The following FER1L5 variants were observed in gnomAD, a reference collection of about 807,000 sequenced individuals.
FER1L5 encodes fer-1-like protein 5.
A neutral mutation model predicts 279.9 loss-of-function variants in FER1L5; 187 were observed. That is an observed-to-expected ratio of 0.67 (90% CI 0.59 to 0.75). FER1L5 has a LOEUF of 0.75. FER1L5 is among the 30% of genes least tolerant of loss of function. The pLI is 0.00. For missense variants in FER1L5, 2,091 were observed against 2,594.4 expected (o/e 0.81, Z 4.21); for synonymous variants, 921 against 989.7 (o/e 0.93, Z 1.30).
At chr2:96,682,635 G>T (rs2076772060) in intron 19 of FER1L5, among the ~76,000 whole-genome samples, 1 of 152,214 alleles carries the variant, frequency 6.6e-6, no homozygotes, top group African/African-American at 2.4e-5. Context: ...GGATTGGCTT[G>T]CTTCTTCCAG....
intron 1 of FER1L5, 36 bp from the exon 2 acceptor site, chr2:96,646,365 C>A: frequency 6.5e-7 from 1 of 1,550,236 alleles, no homozygotes; most frequent in Non-Finnish European, 8.7e-7. Context: ...TGAAATATTT[C>A]CTACCATCAA....
intron 6 of FER1L5, among the ~76,000 whole-genome samples, chr2:96,651,315 CTTCT>C (rs1303440156): frequency 7.4e-6 from 1 of 134,926 alleles, no homozygotes; most frequent in African/African-American, 2.8e-5. Context: ...TCCTTCCTTC[CTTCT>C]TTCTCTCTTT....
At position 96,698,761 on chromosome 2, in the gene FER1L5, C is replaced by A; in HGVS notation, c.4447C>A (p.Pro1483Thr). The A allele has an allele frequency of 6.4e-7, 1 of 1,570,276 alleles. No homozygotes were observed. The highest frequency in any genetic ancestry group is 8.6e-7 in the Non-Finnish European group (1 of 1,158,168). The change falls in exon 41 of 53, where the codon CCC becomes ACC. Residue 1483 changes from proline to threonine, a missense_variant. Coordinates refer to ENST00000624922, the MANE Select transcript of FER1L5 (RefSeq NM_001293083.2). The surrounding 1 kb of genome is among the most constrained non-coding windows in gnomAD (Gnocchi z 5.5). ...FLVWPEREDF[P>T]QPCLVRVYMV... ...GGTTTGGCCAGAGAGAGAGGACTTC[C>A]CCCAGCCGTGCTTGGTGCGGGTGTA...
chr2:96,677,691 C>A (rs1356131419), intron 19 of FER1L5, among the ~76,000 whole-genome samples: 1 of 151,990 alleles, frequency 6.6e-6, no homozygotes, highest in Non-Finnish European at 1.5e-5. Flanking sequence ...CATGGTGAAA[C>A]CCCGTCTCTA....
At position 96,691,494 on chromosome 2, in the gene FER1L5, C is replaced by G. The variant is rs755160795; in HGVS notation, c.2957C>G (p.Ser986Cys). Reference protein sequence around the residue: ...EEGWEYDTFGSKFHLNPQPQS... With the variant: ...EEGWEYDTFGCKFHLNPQPQS... ...GGCTGGGAGTATGACACCTTCGGCT[C>G]CAAGTTCCACCTCAACCCTCAGCCC... is the stretch of plus-strand genomic sequence containing the variant. The change falls in exon 29 of 53, where the codon TCC (serine) becomes TGC (cysteine). Residue 986 changes from serine to cysteine, a missense_variant. Ser to Cys is a moderately radical substitution (Grantham distance 112, BLOSUM62 -1). Coordinates refer to ENST00000624922, the MANE Select transcript of FER1L5 (RefSeq NM_001293083.2). This position sits in a 1 kb window ranked among gnomAD's most constrained non-coding sequence, Gnocchi z 6.0. 24 of 1,549,722 alleles carry G rather than the reference C, an allele frequency of 1.5e-5. No individual in the cohort carries two copies. In the South Asian group the frequency reaches 2.9e-4, roughly 18 times the overall value.
intron 11 of FER1L5, 59 bp from the exon 12 acceptor site, chr2:96,661,609 G>C: frequency 1.3e-6 from 2 of 1,547,440 alleles, no homozygotes. Context: ...GCAAAGTCTG[G>C]TGTCCTTGCC....
intron 1 of FER1L5, among the ~76,000 whole-genome samples, chr2:96,643,604 C>T (rs1042486764): frequency 6.6e-5 from 10 of 152,092 alleles, no homozygotes; most frequent in African/African-American, 2.4e-4. Context: ...CCTGCCTCGG[C>T]CTCCCAGAGT....
chr2:96,673,792 G>A (rs905652757), intron 19 of FER1L5, among the ~76,000 whole-genome samples: 12 of 152,210 alleles, frequency 7.9e-5, no homozygotes, highest in African/African-American at 2.7e-4. Flanking sequence ...GCAGATTCTT[G>A]ACCCCACGCT....
chr2:96,681,641 T>A (rs573170497), intron 19 of FER1L5, among the ~76,000 whole-genome samples: 1 of 152,294 alleles, frequency 6.6e-6, no homozygotes, highest in East Asian at 1.9e-4. Context: ...GTTCTATTTG[T>A]GCAGTGTGTT....
At position 96,698,231 on chromosome 2, in the gene FER1L5, TG is replaced by T; in HGVS notation, c.4356+77del. 1 of 1,497,378 alleles carries T rather than the reference TG, an allele frequency of 6.7e-7. No homozygotes were observed. The highest frequency in any genetic ancestry group is 2.5e-5 in the East Asian group (1 of 40,330). 92.8% of individuals were successfully genotyped at this position (1,497,378 alleles called of 1,614,324 possible). A position where few individuals can be genotyped will look rare whatever the true frequency, so the allele number is the denominator to read the frequency against. Reference sequence around the variant, plus strand: ...GTCCCTGGAAAACGAATAAAAGCCCTGGCTCTATATGCTCATTGTGAAGATG... The same window carrying T: ...GTCCCTGGAAAACGAATAAAAGCCCTGCTCTATATGCTCATTGTGAAGATG... On this transcript the variant is annotated intron_variant, in intron 40 of 52. Transcript: ENST00000624922. The surrounding 1 kb of genome is among the most constrained non-coding windows in gnomAD (Gnocchi z 5.5).
intron 27 of FER1L5, 141 bp downstream of exon 27, chr2:96,690,730 C>T: frequency 1.4e-6 from 1 of 701,630 alleles, no homozygotes. Flanking sequence ...AGAGCTGGGT[C>T]TCCAGCGTTT....
Position 96,687,723 on chromosome 2 carries a change from G to C in FER1L5, c.2230-93G>C, listed in dbSNP as rs918505125. ...GAGGGCCCCGCTCCCAGGGCTCAGG[G>C]GGGAAGGGGCAGGTACAGCCCACTT... is the stretch of plus-strand genomic sequence containing the variant. On this transcript the variant is annotated intron_variant, in intron 23 of 52. Coordinates refer to ENST00000624922, the MANE Select transcript of FER1L5 (RefSeq NM_001293083.2). 44 of 1,509,574 alleles carry C rather than the reference G, an allele frequency of 2.9e-5. 1 individual carries two copies. The South Asian group carries it at 4.8e-4, about 16-fold the overall frequency. 93.5% of individuals were successfully genotyped at this position (1,509,574 alleles called of 1,614,324 possible).
intron 19 of FER1L5, among the ~76,000 whole-genome samples, chr2:96,679,497 C>G (rs2076639097): frequency 6.6e-6 from 1 of 152,200 alleles, no homozygotes; most frequent in Admixed American, 6.5e-5. Flanking sequence ...GCTGGGATTA[C>G]AGGCGTGAGC....
intron 19 of FER1L5, among the ~76,000 whole-genome samples, chr2:96,681,060 T>G (rs1057198145): frequency 2.6e-5 from 4 of 152,198 alleles, no homozygotes; most frequent in Non-Finnish European, 4.4e-5. Context: ...ATATTAAAAA[T>G]CATATGGTGT....
At chr2:96,659,361 C>CCTTCCTT (rs2075783172) in intron 9 of FER1L5, among the ~76,000 whole-genome samples, 3 of 66,698 alleles carry the variant, frequency 4.5e-5, no homozygotes, top group Non-Finnish European at 5.9e-5. Flanking sequence ...TTCCTTCCTT[C>CCTTCCTT]CTTCTTTCTT....
At chr2:96,693,479 C>A in intron 31 of FER1L5, 27 bp from the exon 32 acceptor site, 2 of 1,540,138 alleles carry the variant, frequency 1.3e-6, no homozygotes, top group Non-Finnish European at 1.8e-6. Flanking sequence ...GCTCAAGACA[C>A]TGCTACCTTC....
chr2:96,659,612 C>T (rs536662567), intron 9 of FER1L5, among the ~76,000 whole-genome samples: 1 of 150,104 alleles, frequency 6.7e-6, no homozygotes, highest in African/African-American at 2.5e-5. Flanking sequence ...CTGCCTGAAC[C>T]TCCCTAGTAG....
chr2:96,650,239 C>G lies in FER1L5; in HGVS notation c.454C>G (p.Pro152Ala), dbSNP rs1312915197. 6.4e-7 allele frequency: 1 copy of G among 1,551,722 alleles called. No homozygotes were observed. The highest frequency in any genetic ancestry group is 2.0e-5 in the Admixed American group (1 of 50,998). Residue 152 changes from proline to alanine, a missense_variant, in exon 6 of 53, where the codon CCT becomes GCT. Coordinates refer to ENST00000624922, the MANE Select transcript of FER1L5 (RefSeq NM_001293083.2). The part of the protein sequence containing the change: ...REAASQKLMV[P>A]GSTAHRALSS... ...GGCAGCCAGTCAGAAACTGATGGTC[C>G]CTGGCTCCACTGCGCACAGGGCTCT...
At chr2:96,649,558 G>C in intron 4 of FER1L5, 65 bp from the exon 5 acceptor site, 1 of 1,498,154 alleles carries the variant, frequency 6.7e-7, no homozygotes, top group Non-Finnish European at 9.1e-7. Flanking sequence ...GGCTGTGCAG[G>C]GCTTGGGTGC....
Sources: gnomAD v4.1 joint callset for allele counts (sites outside exome capture counted in the v4.1 genomes callset) on GRCh38, gnomAD v4.1.1 for gene constraint, Gnocchi (gnomAD v3.1) non-coding constraint, MANE v1.5 for transcripts, NCBI Gene and HGNC (gene_info 2026-07-23, HGNC 2026-07-21) for gene names.